The following HPSE variants were observed in gnomAD, a reference collection of about 807,000 sequenced individuals.
The protein encoded by HPSE is heparanase, also known as endo-glucoronidase.
Under a neutral mutation model 65.1 loss-of-function variants are expected in HPSE, and 48 were observed. The observed-to-expected ratio is 0.74, with a 90% CI of 0.58 to 0.94. The LOEUF (loss-of-function observed/expected upper bound fraction) is 0.94. HPSE is among the 40% of genes least tolerant of loss of function. The pLI, the probability that HPSE is intolerant of heterozygous loss-of-function variation, is 0.00. For missense variants in HPSE, 644 were observed against 637.5 expected, an observed-to-expected ratio of 1.01 and a Z score of -0.11; for synonymous variants, 243 against 260.0, an observed-to-expected ratio of 0.93 and a Z score of 0.63.
intron 1 of HPSE, among the ~76,000 whole-genome samples, chr4:83,322,667 G>T (rs1736956836): frequency 6.6e-6 from 1 of 151,782 alleles, no homozygotes; most frequent in East Asian, 1.9e-4. Flanking sequence ...TTTTCTTATT[G>T]GGCATGATAG....
chr4:83,335,025 C>T (rs1034837292), upstream of HPSE: 11 of 554,660 alleles, frequency 2.0e-5, no homozygotes, highest in Admixed American at 2.2e-4. Context: ...GCTTTCCCCT[C>T]GGTGGCGGTC....
intron 1 of HPSE, among the ~76,000 whole-genome samples, chr4:83,333,810 T>C (rs1737494807): frequency 1.3e-5 from 2 of 151,484 alleles, no homozygotes; most frequent in South Asian, 4.2e-4. Context: ...ATTTAGATTT[T>C]TATTCCTGTT....
At chr4:83,295,847 C>T (rs750722879) in intron 11 of HPSE, among the ~76,000 whole-genome samples, 1 of 152,058 alleles carries the variant, frequency 6.6e-6, no homozygotes, top group Non-Finnish European at 1.5e-5. Context: ...GGAATGGTGG[C>T]TATTTTATTT....
chr4:83,302,008 A>G, intron 10 of HPSE, 142 bp downstream of exon 10: 1 of 501,524 alleles, frequency 2.0e-6, no homozygotes, highest in Non-Finnish European at 3.6e-6. Flanking sequence ...AAAATAAAAT[A>G]AAATCGTTGT....
At chr4:83,309,599 G>A in intron 6 of HPSE, 104 bp from the exon 7 acceptor site, 2 of 691,884 alleles carry the variant, frequency 2.9e-6, no homozygotes, top group Non-Finnish European at 5.0e-6. Flanking sequence ...CCACTCACCT[G>A]TTACTAAAAA....
intron 4 of HPSE, among the ~76,000 whole-genome samples, chr4:83,312,163 C>A (rs950815685): frequency 1.3e-5 from 2 of 152,094 alleles, no homozygotes; most frequent in Non-Finnish European, 2.9e-5. Context: ...GCTTGCCAAG[C>A]ATAATAGGGT....
chr4:83,317,872 G>A (rs2126192318), intron 3 of HPSE, among the ~76,000 whole-genome samples: 1 of 152,262 alleles, frequency 6.6e-6, no homozygotes, highest in South Asian at 2.1e-4. Context: ...CCTTTAATGG[G>A]ATCTGAAATG....
chr4:83,330,766 G>T (rs1737329832), intron 1 of HPSE, among the ~76,000 whole-genome samples: 1 of 152,110 alleles, frequency 6.6e-6, no homozygotes, highest in African/African-American at 2.4e-5. Context: ...GCAGTATTTA[G>T]GATTTCTACC....
At chr4:83,305,872 A>T (rs1473793534) in intron 9 of HPSE, among the ~76,000 whole-genome samples, 1 of 152,194 alleles carries the variant, frequency 6.6e-6, no homozygotes, top group Non-Finnish European at 1.5e-5. Flanking sequence ...AGGCAATTAT[A>T]ACTTTGATTT....
In HPSE at chr4:83,334,689, G is replaced by T. The variant is rs1284616132; in HGVS notation, c.94C>A (p.Pro32Thr). The change falls in exon 1 of 12, where the codon CCT becomes ACT. Residue 32 changes from proline to threonine, a missense_variant. Coordinates refer to ENST00000311412, the MANE Select transcript of HPSE (RefSeq NM_001098540.3). ...GPLSPGALPR[P>T]AQAQDVVDLD... ...TCCACGACGTCCTGTGCTTGCGCAG[G>T]TCGGGGCAGGGCGCCAGGGGAGAGG... 6.4e-7 allele frequency: 1 copy of T among 1,571,526 alleles called. No homozygotes were observed. Among genetic ancestry groups the T allele is most frequent in the South Asian group, 1.2e-5 (1 of 85,550 alleles).
At chr4:83,300,814 CA>C (rs746396316) in intron 11 of HPSE, 145 bp downstream of exon 11, 98 of 8,424 alleles carry the variant, frequency 0.012, 1 homozygote, top group South Asian at 0.057. Flanking sequence ...GACTCCGTCT[CA>C]AAAAAAAAAA....
At chr4:83,318,327 G>T (rs1343246641) in intron 3 of HPSE, among the ~76,000 whole-genome samples, 3 of 151,986 alleles carry the variant, frequency 2.0e-5, no homozygotes, top group Non-Finnish European at 4.4e-5. Context: ...ATATTTCATA[G>T]TTAAAAAAGG....
chr4:83,302,712 A>G (rs1302623078), intron 9 of HPSE, among the ~76,000 whole-genome samples: 1 of 152,208 alleles, frequency 6.6e-6, no homozygotes, highest in Non-Finnish European at 1.5e-5. Context: ...ACGGTGGCCA[A>G]AGTGTAATCC....
At chr4:83,332,342 A>C (rs1737405724) in intron 1 of HPSE, among the ~76,000 whole-genome samples, 1 of 152,136 alleles carries the variant, frequency 6.6e-6, no homozygotes, top group Admixed American at 6.6e-5. Flanking sequence ...AGATGAGGAG[A>C]GGGGGTTCCT....
chr4:83,302,400 A>T (rs1735986874), intron 9 of HPSE, 132 bp from the exon 10 acceptor site: 2 of 591,194 alleles, frequency 3.4e-6, no homozygotes, highest in South Asian at 2.1e-5. Flanking sequence ...TTTAAATAGG[A>T]TTCATCTTTT....
intron 11 of HPSE, among the ~76,000 whole-genome samples, chr4:83,295,995 C>T (rs1026723277): frequency 2.0e-5 from 3 of 152,236 alleles, no homozygotes; most frequent in Non-Finnish European, 4.4e-5. Context: ...CCTAACTCCC[C>T]TCTCCCTGCA....
intron 3 of HPSE, among the ~76,000 whole-genome samples, chr4:83,318,226 G>C (rs1736729285): frequency 6.6e-6 from 1 of 152,196 alleles, no homozygotes. Context: ...CAAAAGAAGA[G>C]CTTGAAGTAT....
chr4:83,310,962 A>C (rs1736345378), intron 4 of HPSE, 72 bp from the exon 5 acceptor site: 13 of 1,191,414 alleles, frequency 1.1e-5, no homozygotes, highest in Non-Finnish European at 1.5e-5. Flanking sequence ...AGCAGTATTT[A>C]AAAGCAACAA....
intron 1 of HPSE, among the ~76,000 whole-genome samples, chr4:83,332,697 G>C (rs988861157): frequency 6.6e-6 from 1 of 152,218 alleles, no homozygotes; most frequent in African/African-American, 2.4e-5. Flanking sequence ...TGTTAGGGGG[G>C]TGTTAGTCAA....
Sources: allele counts gnomAD v4.1 joint callset (sites outside exome capture counted in the v4.1 genomes callset), GRCh38; gene constraint gnomAD v4.1.1; transcripts MANE v1.5; gene names NCBI Gene and HGNC (gene_info 2026-07-23, HGNC 2026-07-21).